KIAA1755: variants seen among roughly 807,000 people sequenced by gnomAD.
KIAA1755 encodes the protein uncharacterized protein KIAA1755.
In KIAA1755, 68 loss-of-function variants were observed where a neutral mutation model predicts 91.7. The observed-to-expected ratio is 0.74, with a 90% CI of 0.61 to 0.91. The LOEUF is 0.91. KIAA1755 is among the 40% of genes least tolerant of loss of function. The pLI is 0.00. For synonymous variants in KIAA1755, 610 were observed against 604.6 expected (o/e 1.01, Z -0.13); for missense variants, 1,535 against 1,494.4 (o/e 1.03, Z -0.45).
At chr20:38,259,820 CCA>C (rs57325877) in intron 1 of KIAA1755, among the ~76,000 whole-genome samples, 39,709 of 138,310 alleles carry the variant, frequency 0.29, 6,003 homozygotes, top group African/African-American at 0.44. Flanking sequence ...ACCACCACCA[CCA>C]CACACACACA....
In KIAA1755 at chr20:38,217,336, C is replaced by T. The variant is rs760998; in HGVS notation, c.2818G>A (p.Glu940Lys). Residue 940 changes from glutamate to lysine, a missense_variant, in exon 13 of 14, where the codon GAG becomes AAG. Physicochemically the swap from Glu to Lys is moderately conservative, Grantham distance 56. Transcript: ENST00000279024. Reference sequence around the variant, plus strand: ...GCCGCCATGTAAAAGTGGGTCAGCTCAGCCTGGAAGGCCCGCTGGGTAGAG... The same window carrying T: ...GCCGCCATGTAAAAGTGGGTCAGCTTAGCCTGGAAGGCCCGCTGGGTAGAG... ...FASTQRAFQA[E>K]LTHFYMAAER... The T allele has an allele frequency of 0.33, 532,696 of 1,611,108 alleles. 89,637 individuals carry two copies. The highest frequency in any genetic ancestry group is 0.49 in the East Asian group (21,844 of 44,784).
At chr20:38,232,299 A>G (rs1407078608) in intron 4 of KIAA1755, among the ~76,000 whole-genome samples, 1 of 152,008 alleles carries the variant, frequency 6.6e-6, no homozygotes, top group Non-Finnish European at 1.5e-5. Context: ...TCTTTCACAT[A>G]TGTCTTAAAA....
intron 13 of KIAA1755, chr20:38,216,826 G>A (rs2075550971): frequency 6.4e-6 from 3 of 470,792 alleles, no homozygotes; most frequent in Non-Finnish European, 1.3e-5. Context: ...ACTCAGAAAT[G>A]TGCACTCCCC....
At position 38,217,449 on chromosome 20, in the gene KIAA1755, A is replaced by G. The variant is rs1259141402; in HGVS notation, c.2705T>C (p.Leu902Pro). 1.9e-6 allele frequency: 3 copies of G among 1,611,408 alleles called. No individual in the cohort carries two copies. The highest frequency in any genetic ancestry group is 1.7e-5 in the Admixed American group (1 of 59,828). ...TCCCAGCTGAGCGGCCTGCTTGGAC[A>G]GCTCCAGGCCTCGGCGGTACTGGGC... ...AAAQYRRGLE[L>P]SKQAAQLGAT... Residue 902 changes from leucine (L) to proline (P), a missense_variant, in exon 13 of 14, where the codon CTG becomes CCG. Coordinates refer to ENST00000279024, the MANE Select transcript of KIAA1755 (RefSeq NM_001029864.2).
At chr20:38,247,560 C>A (rs570851140) in intron 1 of KIAA1755, among the ~76,000 whole-genome samples, 1 of 152,184 alleles carries the variant, frequency 6.6e-6, no homozygotes, top group South Asian at 2.1e-4. Flanking sequence ...CCTATTACAG[C>A]GGTTCCCATC....
intron 8 of KIAA1755, among the ~76,000 whole-genome samples, chr20:38,224,199 C>G (rs1356587904): frequency 6.6e-6 from 1 of 152,162 alleles, no homozygotes; most frequent in African/African-American, 2.4e-5. Context: ...ATGCAAGGCA[C>G]TTAGAACAGA....
At chr20:38,229,364 T>C (rs769895873) in intron 5 of KIAA1755, among the ~76,000 whole-genome samples, 4 of 152,206 alleles carry the variant, frequency 2.6e-5, no homozygotes, top group Non-Finnish European at 5.9e-5. Flanking sequence ...TTGCTATGAT[T>C]ATCCTAGAAG....
At chr20:38,238,464 G>A (rs1205430) in intron 4 of KIAA1755, among the ~76,000 whole-genome samples, 35,037 of 152,060 alleles carry the variant, frequency 0.23, 4,344 homozygotes, top group Middle Eastern at 0.3. Flanking sequence ...CTGGAACGCC[G>A]TTCCCAACTC....
chr20:38,232,629 G>GAAA (rs1310300076), intron 4 of KIAA1755, among the ~76,000 whole-genome samples: 6 of 94,440 alleles, frequency 6.4e-5, no homozygotes, highest in East Asian at 3.1e-4. Context: ...CTCTGTCTCA[G>GAAA]AAAAAAAAAA....
chr20:38,223,785 A>T (rs1600583311), intron 8 of KIAA1755, 149 bp from the exon 9 acceptor site: 2 of 621,546 alleles, frequency 3.2e-6, no homozygotes, highest in Admixed American at 3.4e-5. Flanking sequence ...GTTAAAACAC[A>T]GGCTCTGGGC....
chr20:38,244,770 G>A (rs534181915), intron 2 of KIAA1755, among the ~76,000 whole-genome samples: 11 of 152,224 alleles, frequency 7.2e-5, no homozygotes, highest in Non-Finnish European at 8.8e-5. Flanking sequence ...GTGCAATGGC[G>A]TGATCTTGGC....
intron 1 of KIAA1755, chr20:38,260,260 C>G: frequency 6.5e-7 from 1 of 1,543,998 alleles, no homozygotes; most frequent in Non-Finnish European, 8.7e-7. Flanking sequence ...TTTACAAGTA[C>G]AATCTTACTC....
rs1464874518 is a variant in KIAA1755, at chr20:38,244,812, G to A, written c.201+1117C>T. ...CAACCTCTGCCTCCTGGGTTCAAGC[G>A]ATTCTCCTGCCTCCAAGCGATTCTC... On this transcript the variant is annotated intron_variant, in intron 2 of 13. Coordinates refer to ENST00000279024, the MANE Select transcript of KIAA1755 (RefSeq NM_001029864.2). Among the ~76,000 whole-genome samples, 18 of 152,128 alleles carry A rather than the reference G, an allele frequency of 1.2e-4. 1 individual carries two copies. The highest frequency in any genetic ancestry group is 9.8e-4 in the Admixed American group (15 of 15,278).
rs61748970 is a variant in KIAA1755, at chr20:38,213,437, G to A, written c.3208C>T (p.Arg1070Ter). The change falls in exon 14 of 14, where the codon CGA becomes TGA. Residue 1070 changes from arginine (R) to a stop codon, truncating the protein, a stop_gained. Coordinates refer to ENST00000279024, the MANE Select transcript of KIAA1755 (RefSeq NM_001029864.2). LOFTEE classifies it low-confidence loss of function (END_TRUNC). The stretch of plus-strand genomic sequence containing the variant: ...TGGCCCTTGGCTGCCACCCCTCTTC[G>A]TTCTGGGCGCGCTGAGTGAGCAGCT... ...APAAHSARPERRGVAAKGQGV... is the reference protein window; with the variant it reads ...APAAHSARPE The A allele has an allele frequency of 6.7e-4, 1,079 of 1,601,822 alleles. 3 individuals carry two copies. The African/African-American group carries it at 0.011, about 16-fold the overall frequency.
chr20:38,257,203 C>T (rs1396276821), intron 1 of KIAA1755, among the ~76,000 whole-genome samples: 2 of 152,212 alleles, frequency 1.3e-5, no homozygotes, highest in African/African-American at 2.4e-5. Flanking sequence ...GCAGGAACCA[C>T]GTCCTTATAG....
chr20:38,232,829 G>T (rs1466608566), intron 4 of KIAA1755, among the ~76,000 whole-genome samples: 1 of 151,888 alleles, frequency 6.6e-6, no homozygotes, highest in Non-Finnish European at 1.5e-5. Context: ...TTTTCATTTT[G>T]TTAGGGGGCC....
chr20:38,238,194 C>T (rs2075992788), intron 4 of KIAA1755, among the ~76,000 whole-genome samples: 1 of 152,152 alleles, frequency 6.6e-6, no homozygotes, highest in Non-Finnish European at 1.5e-5. Context: ...AATCTGAGCC[C>T]TTGGCCCATG....
At chr20:38,230,586 G>A (rs575565794) in intron 5 of KIAA1755, among the ~76,000 whole-genome samples, 105 of 152,286 alleles carry the variant, frequency 6.9e-4, no homozygotes, top group Non-Finnish European at 1.1e-3. Context: ...TGATTCGAAT[G>A]CACCTTCAAA....
chr20:38,244,332 G>C (rs1031163145), intron 2 of KIAA1755, among the ~76,000 whole-genome samples: 2 of 152,200 alleles, frequency 1.3e-5, no homozygotes, highest in Non-Finnish European at 2.9e-5. Context: ...CCCATGTATT[G>C]AGCTATGATC....
Sources: allele counts gnomAD v4.1 joint callset (sites outside exome capture counted in the v4.1 genomes callset), GRCh38; gene constraint gnomAD v4.1.1; transcripts MANE v1.5; gene names NCBI Gene and HGNC (gene_info 2026-07-23, HGNC 2026-07-21).